Variants in ERC1 observed in about 807,000 individuals in gnomAD.
ERC1 encodes RAB6 interacting protein 2.
Under a neutral mutation model 132.0 loss-of-function variants are expected in ERC1, and 56 were observed. The ratio of observed to expected loss-of-function variants is 0.42; its 90% CI spans 0.34 to 0.53. The LOEUF is 0.53. ERC1 is among the 20% of genes least tolerant of loss of function. The pLI is 0.03. For missense variants in ERC1, 1,202 were observed against 1,349.9 expected, an observed-to-expected ratio of 0.89 and a Z score of 1.72; for synonymous variants, 478 against 476.1, an observed-to-expected ratio of 1.00 and a Z score of -0.05.
At chr12:1,349,261 A>G (rs2084771225) in intron 15 of ERC1, among the ~76,000 whole-genome samples, 1 of 152,234 alleles carries the variant, frequency 6.6e-6, no homozygotes. Flanking sequence ...CAGTGTTAGT[A>G]TGTGACTGAC....
At position 1,441,926 on chromosome 12, in the gene ERC1, TTTG is replaced by T. The variant is rs907004329; in HGVS notation, c.3025-2621_3025-2619del. 7.9e-5 allele frequency among the ~76,000 whole-genome samples: 12 copies of T among 152,202 alleles called. No homozygotes were observed. In the South Asian group the frequency reaches 8.3e-4, roughly 11 times the overall value. On this transcript the variant is annotated intron_variant, in intron 17 of 18. Coordinates refer to ENST00000360905, the MANE Select transcript of ERC1 (RefSeq NM_178040.4). ...TAAATTTTCCACAATGAGTATACTT[TTTG>T]TTGTTGTTGTTGTTTTGAGACAGAG...
intron 15 of ERC1, among the ~76,000 whole-genome samples, chr12:1,338,969 G>T (rs1208667851): frequency 6.6e-6 from 1 of 152,244 alleles, no homozygotes; most frequent in Non-Finnish European, 1.5e-5. Context: ...ACTCTAATGG[G>T]TGGTGTCTGC....
At chr12:1,190,209 C>T (rs376246886) in intron 12 of ERC1, 157 bp downstream of exon 12, 40 of 776,038 alleles carry the variant, frequency 5.2e-5, no homozygotes, top group African/African-American at 4.4e-4. Context: ...GTCAGTTGTA[C>T]GTTCTTTGTT....
intron 7 of ERC1, among the ~76,000 whole-genome samples, chr12:1,123,752 T>C (rs1332663663): frequency 1.3e-5 from 2 of 152,158 alleles, no homozygotes; most frequent in Non-Finnish European, 2.9e-5. Context: ...CCCAGCACTT[T>C]GGGAGGCTGA....
chr12:1,173,515 C>T (rs935999584), intron 8 of ERC1, among the ~76,000 whole-genome samples: 1 of 152,098 alleles, frequency 6.6e-6, no homozygotes, highest in Admixed American at 6.6e-5. Flanking sequence ...TCATTTTTAT[C>T]TTTATGTTCT....
intron 8 of ERC1, among the ~76,000 whole-genome samples, chr12:1,146,794 C>T (rs1950419975): frequency 7.6e-6 from 1 of 131,764 alleles, no homozygotes; most frequent in South Asian, 2.2e-4. Context: ...CCACAACAGT[C>T]CCCGGAGTGT....
At chr12:1,168,857 C>A (rs914469276) in intron 8 of ERC1, among the ~76,000 whole-genome samples, 1 of 151,920 alleles carries the variant, frequency 6.6e-6, no homozygotes, top group African/African-American at 2.4e-5. Context: ...TGTAACTTCT[C>A]TTATGCTTTT....
At chr12:1,260,559 T>C (rs185821444) in intron 13 of ERC1, among the ~76,000 whole-genome samples, 3 of 152,340 alleles carry the variant, frequency 2.0e-5, no homozygotes, top group Non-Finnish European at 2.9e-5. Context: ...CTCAACATTT[T>C]ATTAAATTAA....
intron 12 of ERC1, among the ~76,000 whole-genome samples, chr12:1,205,616 A>G (rs1285176133): frequency 6.6e-5 from 10 of 152,100 alleles, no homozygotes; most frequent in Non-Finnish European, 5.9e-5. Flanking sequence ...TTTGTAATAA[A>G]AATAGCAAAC....
At chr12:1,186,179 A>T (rs1347955679) in intron 11 of ERC1, among the ~76,000 whole-genome samples, 1 of 152,150 alleles carries the variant, frequency 6.6e-6, no homozygotes, top group Non-Finnish European at 1.5e-5. Flanking sequence ...TTCCCCTTTA[A>T]TATTTTTTGA....
intron 2 of ERC1, among the ~76,000 whole-genome samples, chr12:1,061,991 T>C (rs1470738792): frequency 7.6e-6 from 1 of 131,128 alleles, no homozygotes; most frequent in African/African-American, 3.3e-5. Context: ...CTTTTCTTCT[T>C]TTTTTTTTTT....
At chr12:1,319,795 T>A (rs1367674877) in intron 15 of ERC1, among the ~76,000 whole-genome samples, 1 of 152,216 alleles carries the variant, frequency 6.6e-6, no homozygotes, top group Non-Finnish European at 1.5e-5. Context: ...CACAAAAATG[T>A]GCTTGGCATA....
At chr12:1,351,093 A>G (rs2084952529) in intron 15 of ERC1, among the ~76,000 whole-genome samples, 1 of 152,178 alleles carries the variant, frequency 6.6e-6, no homozygotes, top group East Asian at 1.9e-4. Context: ...TCATACTGGG[A>G]ATCAAATTTC....
chr12:1,363,380 C>G (rs1020494523), intron 15 of ERC1, among the ~76,000 whole-genome samples: 1 of 152,074 alleles, frequency 6.6e-6, no homozygotes, highest in South Asian at 2.1e-4. Flanking sequence ...AAGTTTTCCA[C>G]CTACAATTTT....
At position 1,354,720 on chromosome 12, in the gene ERC1, G is replaced by C. The variant is rs542573214; in HGVS notation, c.2781-17113G>C. Among the ~76,000 whole-genome samples the C allele has an allele frequency of 1.2e-4, 18 of 152,220 alleles. 1 individual carries two copies. Among genetic ancestry groups the C allele is most frequent in the African/African-American group, 4.3e-4 (18 of 41,534 alleles). On this transcript the variant is annotated intron_variant, in intron 15 of 18. Coordinates refer to ENST00000360905, the MANE Select transcript of ERC1 (RefSeq NM_178040.4). ...GGCTGGAGTGCCGAAGCGCAGTGTC[G>C]GCTCACTGCAACCTCCGCGTTCTAG...
intron 17 of ERC1, among the ~76,000 whole-genome samples, chr12:1,418,201 A>T (rs2092217083): frequency 6.6e-6 from 1 of 152,176 alleles, no homozygotes; most frequent in Non-Finnish European, 1.5e-5. Flanking sequence ...GAAGAGAGTA[A>T]ATGATGGAAT....
intron 12 of ERC1, among the ~76,000 whole-genome samples, chr12:1,196,988 T>A (rs143122459): frequency 0.19 from 22,544 of 117,490 alleles, 3,671 homozygotes; most frequent in African/African-American, 0.23. Flanking sequence ...TTTTTTTTTT[T>A]TTTTTTTTTT....
At position 1,303,910 on chromosome 12, in the gene ERC1, G is replaced by A. The variant is rs147570924; in HGVS notation, c.2780+13898G>A. ...AGAGGTTATGGTGAGCCAAGATCAC[G>A]CCATTGCACTCCAGCCTGGGCAACA... On this transcript the variant is annotated intron_variant, in intron 15 of 18. Transcript: ENST00000360905. Among the ~76,000 whole-genome samples, 865 of 145,454 alleles carry A rather than the reference G, an allele frequency of 5.9e-3. 9 individuals are homozygous for A. The highest frequency in any genetic ancestry group is 0.015 in the Middle Eastern group (4 of 264).
intron 8 of ERC1, among the ~76,000 whole-genome samples, chr12:1,145,255 G>T (rs1239883462): frequency 6.6e-6 from 1 of 152,112 alleles, no homozygotes; most frequent in Non-Finnish European, 1.5e-5. Flanking sequence ...GATCTCAGGT[G>T]ATCCACCCGC....
Sources: gnomAD v4.1 joint callset for allele counts (sites outside exome capture counted in the v4.1 genomes callset) on GRCh38, gnomAD v4.1.1 for gene constraint, MANE v1.5 for transcripts, NCBI Gene and HGNC (gene_info 2026-07-23, HGNC 2026-07-21) for gene names.